Variants in WWOX observed in about 807,000 individuals in gnomAD.
WWOX encodes the protein WW domain containing oxidoreductase.
A neutral mutation model predicts 46.2 loss-of-function variants in WWOX; 69 were observed. The observed-to-expected ratio is 1.49, with a 90% confidence interval of 1.23 to 1.82. WWOX has a LOEUF of 1.82. WWOX is among the 40% of genes most tolerant of loss of function. The pLI is 0.00. For missense variants in WWOX, 919 were observed against 542.6 expected (o/e 1.69, Z -6.89); for synonymous variants, 359 against 202.6 (o/e 1.77, Z -6.56).
chr16:78,971,447 TCAAAAAAAAA>T (rs1567448905), intron 8 of WWOX, among the ~76,000 whole-genome samples: 1 of 34,560 alleles, frequency 2.9e-5, no homozygotes, highest in African/African-American at 1.6e-4. Flanking sequence ...AGACTCTGTG[TCAAAAAAAAA>T]AAAAAAAAAA....
At chr16:78,522,024 A>G (rs1293608038) in intron 8 of WWOX, among the ~76,000 whole-genome samples, 2 of 152,106 alleles carry the variant, frequency 1.3e-5, no homozygotes, top group East Asian at 1.9e-4. Context: ...GTATTTTGCC[A>G]TGAATCACTT....
chr16:78,176,528 C>T (rs573583815), intron 5 of WWOX, among the ~76,000 whole-genome samples: 9 of 152,144 alleles, frequency 5.9e-5, no homozygotes, highest in Non-Finnish European at 1.3e-4. Context: ...TCCTGTAAAC[C>T]GGGTAGCTGG....
At chr16:78,858,221 T>A (rs1017364357) in intron 8 of WWOX, among the ~76,000 whole-genome samples, 1 of 150,650 alleles carries the variant, frequency 6.6e-6, no homozygotes, top group Admixed American at 6.6e-5. Context: ...GTTTTAGGGG[T>A]AAAGTGGTTT....
intron 8 of WWOX, among the ~76,000 whole-genome samples, chr16:78,706,217 G>T (rs2048326262): frequency 6.6e-6 from 1 of 152,070 alleles, no homozygotes; most frequent in Admixed American, 6.6e-5. Flanking sequence ...TCGTGCATAT[G>T]TGTAGCTTTT....
At chr16:79,068,041 G>C (rs1351849275) in intron 8 of WWOX, among the ~76,000 whole-genome samples, 1 of 151,912 alleles carries the variant, frequency 6.6e-6, no homozygotes, top group Non-Finnish European at 1.5e-5. Flanking sequence ...CTTGGCCATG[G>C]TCAGTCTTTG....
At chr16:78,979,285 G>A (rs937687560) in intron 8 of WWOX, among the ~76,000 whole-genome samples, 4 of 152,050 alleles carry the variant, frequency 2.6e-5, no homozygotes, top group African/African-American at 9.7e-5. Flanking sequence ...TAACGCCTGT[G>A]TTTTAGTTCA....
intron 8 of WWOX, among the ~76,000 whole-genome samples, chr16:79,124,827 T>C (rs1484148551): frequency 3.3e-5 from 5 of 152,214 alleles, no homozygotes; most frequent in African/African-American, 1.2e-4. Context: ...CTGGACTCTG[T>C]TCCCTAAAGG....
At chr16:78,621,184 G>A (rs1393440901) in intron 8 of WWOX, among the ~76,000 whole-genome samples, 2 of 152,100 alleles carry the variant, frequency 1.3e-5, no homozygotes, top group Non-Finnish European at 2.9e-5. Flanking sequence ...GAAAATGCTG[G>A]GGATCTGCGA....
At chr16:79,047,859 A>C (rs374486615) in intron 8 of WWOX, among the ~76,000 whole-genome samples, 1 of 151,894 alleles carries the variant, frequency 6.6e-6, no homozygotes, top group African/African-American at 2.4e-5. Context: ...AAGGAAAGAA[A>C]GAAATCTGAC....
intron 8 of WWOX, among the ~76,000 whole-genome samples, chr16:78,460,136 C>G (rs1422937588): frequency 1.3e-5 from 2 of 151,288 alleles, no homozygotes; most frequent in South Asian, 2.1e-4. Context: ...CCCTTCCCTC[C>G]CTTCCCCACC....
intron 8 of WWOX, among the ~76,000 whole-genome samples, chr16:79,100,834 A>G (rs1597375969): frequency 6.6e-6 from 1 of 151,970 alleles, no homozygotes; most frequent in East Asian, 1.9e-4. Context: ...AGCACACGAG[A>G]TCCTTTTAGA....
intron 8 of WWOX, among the ~76,000 whole-genome samples, chr16:79,057,911 A>T (rs1481706559): frequency 6.6e-6 from 1 of 152,154 alleles, no homozygotes; most frequent in Non-Finnish European, 1.5e-5. Context: ...ATGTTATTAG[A>T]AATACAGATA....
chr16:78,424,776 T>G, intron 6 of WWOX, 94 bp from the exon 7 acceptor site: 1 of 1,389,008 alleles, frequency 7.2e-7, no homozygotes, highest in Non-Finnish European at 1.0e-6. Flanking sequence ...GGTTGTAGTG[T>G]TTATGTCCAC....
At chr16:78,559,012 T>A (rs2044369982) in intron 8 of WWOX, among the ~76,000 whole-genome samples, 1 of 152,174 alleles carries the variant, frequency 6.6e-6, no homozygotes, top group Admixed American at 6.5e-5. Context: ...TTGCTCACAA[T>A]CATATCCACG....
intron 8 of WWOX, among the ~76,000 whole-genome samples, chr16:78,581,569 AC>A (rs1567659629): frequency 2.0e-5 from 3 of 152,060 alleles, no homozygotes; most frequent in African/African-American, 7.2e-5. Context: ...TTTATTGTGA[AC>A]CTCTAGGAAT....
At chr16:78,794,678 C>T (rs1163704406) in intron 8 of WWOX, among the ~76,000 whole-genome samples, 1 of 152,328 alleles carries the variant, frequency 6.6e-6, no homozygotes, top group East Asian at 1.9e-4. Context: ...TGCTGTCATT[C>T]CTGCAGCTGT....
intron 8 of WWOX, chr16:78,891,173 C>G (rs1229882005): frequency 6.6e-6 from 1 of 152,142 alleles, no homozygotes; most frequent in African/African-American, 2.4e-5. Context: ...CCTGCCCCTT[C>G]TTTCATATAC....
rs533100343 is a variant in WWOX at position 79,172,081 on chromosome 16, G to A, written c.1057-39527G>A. Among the ~76,000 whole-genome samples the A allele has an allele frequency of 2.0e-5, 3 of 152,318 alleles. No individual in the cohort carries two copies. In the South Asian group the frequency reaches 6.2e-4, roughly 32 times the overall value. ...TTGGGATCCTCCCCTGTGTTAGCAC[G>A]TGACTGTCCTCTGTCACCATGTAGC... On this transcript the variant is annotated intron_variant, in intron 8 of 8. Coordinates refer to ENST00000566780, the MANE Select transcript of WWOX (RefSeq NM_016373.4).
chr16:78,615,348 G>A (rs1264054561), intron 8 of WWOX, among the ~76,000 whole-genome samples: 1 of 152,082 alleles, frequency 6.6e-6, no homozygotes, highest in Admixed American at 6.5e-5. Flanking sequence ...TGTATAGTTG[G>A]CTAAAAAGAA....
Sources: allele counts gnomAD v4.1 joint callset (sites outside exome capture counted in the v4.1 genomes callset), GRCh38; gene constraint gnomAD v4.1.1; transcripts MANE v1.5; gene names NCBI Gene and HGNC (gene_info 2026-07-23, HGNC 2026-07-21).